SEPTIN7: variants seen among roughly 807,000 people sequenced by gnomAD.
SEPTIN7 encodes septin-7.
SEPTIN7 carries 10 observed loss-of-function variants against 63.3 expected under a neutral mutation model. That is an observed-to-expected ratio of 0.16 (90% confidence interval 0.10 to 0.27). SEPTIN7 has a LOEUF of 0.27. SEPTIN7 is among the 10% of genes least tolerant of loss of function. SEPTIN7 has a pLI of 1.00. For missense variants in SEPTIN7, 310 were observed against 521.0 expected (o/e 0.59, Z 3.94); for synonymous variants, 131 against 165.3 (o/e 0.79, Z 1.59).
intron 1 of SEPTIN7, among the ~76,000 whole-genome samples, chr7:35,810,184 T>G (rs1788600411): frequency 6.6e-6 from 1 of 152,194 alleles, no homozygotes; most frequent in Non-Finnish European, 1.5e-5. Context: ...TGTATTCATT[T>G]GTGCTTTGAA....
intron 4 of SEPTIN7, among the ~76,000 whole-genome samples, chr7:35,865,980 T>C (rs1785788254): frequency 6.6e-6 from 1 of 152,224 alleles, no homozygotes; most frequent in Non-Finnish European, 1.5e-5. Context: ...AAACTCTCTT[T>C]ATCTTGAAAA....
At chr7:35,902,192 ATCT>A in intron 12 of SEPTIN7, 1 of 151,774 alleles carries the variant, frequency 6.6e-6, no homozygotes, top group South Asian at 2.1e-4. Context: ...GAAGGATTTA[ATCT>A]GATTTTTAAA....
At chr7:35,856,689 C>A (rs142552412) in intron 3 of SEPTIN7, among the ~76,000 whole-genome samples, 2 of 152,116 alleles carry the variant, frequency 1.3e-5, no homozygotes, top group African/African-American at 2.4e-5. Context: ...CTTTGAGGAT[C>A]ATTTCCCCTG....
In SEPTIN7 at chr7:35,885,796, T is replaced by C. The variant is rs557813503; in HGVS notation, c.821-32T>C. On this transcript the variant is annotated intron_variant, in intron 9 of 13. Transcript: ENST00000350320. ...TTGAAAAGACTAGGTTTAGTGGAAATATAACATATGCGGTCTGCTTTTTTC... is the reference window on the plus strand; with the variant it reads ...TTGAAAAGACTAGGTTTAGTGGAAACATAACATATGCGGTCTGCTTTTTTC... 5.2e-6 allele frequency: 8 copies of C among 1,549,374 alleles called. No individual in the cohort carries two copies. In the East Asian group the frequency reaches 1.6e-4, roughly 31 times the overall value.
intron 1 of SEPTIN7, among the ~76,000 whole-genome samples, chr7:35,807,390 C>T (rs1224113345): frequency 8.7e-6 from 1 of 115,528 alleles, no homozygotes; most frequent in African/African-American, 3.3e-5. Flanking sequence ...TAGATGGAGT[C>T]TCTCTGTGTC....
intron 10 of SEPTIN7, among the ~76,000 whole-genome samples, chr7:35,890,088 G>A (rs935957101): frequency 6.6e-6 from 1 of 152,116 alleles, no homozygotes; most frequent in Non-Finnish European, 1.5e-5. Context: ...CATATGTATT[G>A]TAGACTTATA....
chr7:35,915,141 A>G, the SEPTIN7 span, among the ~76,000 whole-genome samples: 2 of 152,148 alleles, frequency 1.3e-5, no homozygotes, highest in Admixed American at 1.3e-4. Context: ...ACATGCATAT[A>G]CACATGTATA....
At chr7:35,863,109 GATTA>G (rs1329483149) in intron 3 of SEPTIN7, among the ~76,000 whole-genome samples, 2 of 150,404 alleles carry the variant, frequency 1.3e-5, no homozygotes, top group South Asian at 4.2e-4. Context: ...TGTTCATTGT[GATTA>G]ATTCTTTGTA....
intron 3 of SEPTIN7, among the ~76,000 whole-genome samples, chr7:35,834,438 T>G (rs1783982550): frequency 6.6e-6 from 1 of 152,026 alleles, no homozygotes; most frequent in African/African-American, 2.4e-5. Context: ...AGAGGAAATA[T>G]TCAGTCTCTA....
At chr7:35,838,101 T>G (rs1014789884) in intron 3 of SEPTIN7, among the ~76,000 whole-genome samples, 15 of 152,088 alleles carry the variant, frequency 9.9e-5, no homozygotes, top group African/African-American at 3.6e-4. Context: ...TTTAAAAACT[T>G]TTTTTTTCTT....
chr7:35,878,649 C>G (rs1239640336), intron 6 of SEPTIN7, among the ~76,000 whole-genome samples: 2 of 152,074 alleles, frequency 1.3e-5, no homozygotes, highest in Non-Finnish European at 2.9e-5. Flanking sequence ...ATACATACAT[C>G]ATGCATACAC....
chr7:35,841,606 A>G (rs1480862538), intron 3 of SEPTIN7, among the ~76,000 whole-genome samples: 1 of 152,226 alleles, frequency 6.6e-6, no homozygotes, highest in African/African-American at 2.4e-5. Context: ...GATTGATTGG[A>G]TAGGTGGACT....
chr7:35,810,363 A>G (rs1335300065), intron 1 of SEPTIN7, among the ~76,000 whole-genome samples: 2 of 146,712 alleles, frequency 1.4e-5, no homozygotes, highest in South Asian at 2.1e-4. Context: ...TTGCTCTGTC[A>G]CCCAGGCTAT....
At chr7:35,806,826 A>G (rs1457826206) in intron 1 of SEPTIN7, among the ~76,000 whole-genome samples, 3 of 152,270 alleles carry the variant, frequency 2.0e-5, no homozygotes, top group African/African-American at 7.2e-5. Flanking sequence ...TAACTTCTTT[A>G]TTATATAAGA....
chr7:35,817,453 A>C (rs1789143448), intron 1 of SEPTIN7, among the ~76,000 whole-genome samples: 1 of 152,088 alleles, frequency 6.6e-6, no homozygotes, highest in Non-Finnish European at 1.5e-5. Flanking sequence ...ACTTTGCAGT[A>C]AGTTTTGAAA....
rs143077147 is a variant in SEPTIN7, at chr7:35,874,271, G to A, written c.512+496G>A. On this transcript the variant is annotated intron_variant, in intron 6 of 13. Coordinates refer to ENST00000350320, the MANE Select transcript of SEPTIN7 (RefSeq NM_001788.6). The stretch of plus-strand genomic sequence containing the variant: ...CTGTTTCACCTTAGCTGTCATAGAC[G>A]TGTTGTTCAGGTATCATATTGTCAG... 3.0e-4 allele frequency among the ~76,000 whole-genome samples: 46 copies of A among 152,156 alleles called. No individual in the cohort carries two copies. In the East Asian group the frequency reaches 3.3e-3, roughly 11 times the overall value.
chr7:35,897,490 C>G lies in SEPTIN7; in HGVS notation c.999-758C>G, dbSNP rs181747967. ...CAAAGAGATTTGAGTCCATGGACTT[C>G]AACGTCAACAGAGTGAACATTTTTT... is the stretch of plus-strand genomic sequence containing the variant. On this transcript the variant is annotated intron_variant, in intron 11 of 13. Coordinates refer to ENST00000350320, the MANE Select transcript of SEPTIN7 (RefSeq NM_001788.6). Among the ~76,000 whole-genome samples the G allele has an allele frequency of 2.2e-4, 33 of 152,006 alleles. 1 individual carries two copies. In the East Asian group the frequency reaches 6.4e-3, roughly 29 times the overall value.
At chr7:35,885,509 A>G (rs1481308688) in intron 9 of SEPTIN7, among the ~76,000 whole-genome samples, 1 of 152,178 alleles carries the variant, frequency 6.6e-6, no homozygotes, top group Non-Finnish European at 1.5e-5. Flanking sequence ...TGAATTTTTT[A>G]AATGTATTAT....
At chr7:35,809,143 G>A (rs1202998567) in intron 1 of SEPTIN7, among the ~76,000 whole-genome samples, 3 of 152,180 alleles carry the variant, frequency 2.0e-5, no homozygotes, top group Non-Finnish European at 4.4e-5. Flanking sequence ...TACACGTTTT[G>A]TACTTGCTGT....
Sources: allele counts gnomAD v4.1 joint callset (sites outside exome capture counted in the v4.1 genomes callset), GRCh38; gene constraint gnomAD v4.1.1; transcripts MANE v1.5; gene names NCBI Gene and HGNC (gene_info 2026-07-23, HGNC 2026-07-21).